Variants in KPNA2 observed in about 807,000 individuals in gnomAD.
KPNA2 encodes importin subunit alpha-1.
In KPNA2, 20 loss-of-function variants were observed where a neutral mutation model predicts 53.7. The observed-to-expected ratio is 0.37, with a 90% CI of 0.26 to 0.54. The LOEUF (loss-of-function observed/expected upper bound fraction) is 0.54. KPNA2 is among the 20% of genes least tolerant of loss of function. The pLI, the probability that KPNA2 is intolerant of heterozygous loss-of-function variation, is 0.83. For synonymous variants in KPNA2, 238 were observed against 227.5 expected (o/e 1.05, Z -0.42); for missense variants, 515 against 640.3 (o/e 0.80, Z 2.11).
intron 5 of KPNA2, 131 bp downstream of exon 5, chr17:68,042,484 T>A: frequency 1.0e-6 from 1 of 991,010 alleles, no homozygotes; most frequent in Non-Finnish European, 1.5e-6. Context: ...GGAATGAAAG[T>A]GTCGTCTTTA....
chr17:68,044,021 C>T lies in KPNA2; in HGVS notation c.1114C>T (p.Gln372Ter). Residue 372 changes from glutamine to a stop codon, truncating the protein, a stop_gained, in exon 8 of 11, where the codon CAA becomes TAA. Transcript: ENST00000330459. LOFTEE classifies it high-confidence loss of function. ...AGCCGGCCGCCAGGACCAGATACAG[C>T]AAGTTGTGAATCATGGATTAGTCCC... ...ITAGRQDQIQ[Q>*]VVNHGLVPFL... The T allele has an allele frequency of 2.5e-6, 4 of 1,613,924 alleles. No individual in the cohort carries two copies. Among genetic ancestry groups the T allele is most frequent in the Non-Finnish European group, 3.4e-6 (4 of 1,179,828 alleles).
chr17:68,039,703 C>A (rs920764524), intron 3 of KPNA2, among the ~76,000 whole-genome samples: 2 of 151,336 alleles, frequency 1.3e-5, no homozygotes, highest in East Asian at 3.9e-4. Context: ...TCGCTTGAAC[C>A]CGGGAGGTGG....
Position 68,043,096 on chromosome 17 carries a change from C to G in KPNA2, c.667-4C>G. On this transcript the variant is annotated splice_region_variant and splice_polypyrimidine_tract_variant and intron_variant, in intron 6 of 10. Coordinates refer to ENST00000330459, the MANE Select transcript of KPNA2 (RefSeq NM_002266.4). ...CCTCTCATTGCCTATTTTTTTTCCC[C>G]CAGTGTGGCTACTTACGTAATCTTA... is the stretch of plus-strand genomic sequence containing the variant. The G allele has an allele frequency of 6.2e-7, 1 of 1,613,150 alleles. No individual in the cohort carries two copies. Among genetic ancestry groups the G allele is most frequent in the Non-Finnish European group, 8.5e-7 (1 of 1,179,678 alleles).
Position 68,043,158 on chromosome 17 carries a change from C to T in KPNA2, c.725C>T (p.Pro242Leu). 6.2e-7 allele frequency: 1 copy of T among 1,614,142 alleles called. No homozygotes were observed. Among genetic ancestry groups the T allele is most frequent in the Non-Finnish European group, 8.5e-7 (1 of 1,180,032 alleles). Residue 242 changes from proline to leucine, a missense_variant, in exon 7 of 11, where the codon CCT becomes CTT. By Grantham distance (98) the Pro-to-Leu change is moderately conservative. Transcript: ENST00000330459. The part of the protein sequence containing the change: ...TLSNLCRNKN[P>L]APPIDAVEQI... ...TCTAATCTTTGCCGCAACAAGAATCCTGCACCCCCGATAGATGCTGTTGAG... is the reference window on the plus strand; with the variant it reads ...TCTAATCTTTGCCGCAACAAGAATCTTGCACCCCCGATAGATGCTGTTGAG...
intron 1 of KPNA2, 171 bp downstream of exon 1, chr17:68,036,011 G>C (rs1452599155): frequency 6.6e-6 from 1 of 152,262 alleles, no homozygotes; most frequent in African/African-American, 2.4e-5. Context: ...TGAGTTTCGC[G>C]GGGTCTGCGG....
At chr17:68,041,481 C>G (rs1202011711) in intron 4 of KPNA2, among the ~76,000 whole-genome samples, 4 of 152,180 alleles carry the variant, frequency 2.6e-5, no homozygotes, top group Non-Finnish European at 5.9e-5. Flanking sequence ...ATCACTTGAA[C>G]CCAGCAGGCG....
At chr17:68,043,517 A>G (rs1168102964) in intron 7 of KPNA2, among the ~76,000 whole-genome samples, 154 bp downstream of exon 7, 1 of 152,128 alleles carries the variant, frequency 6.6e-6, no homozygotes, top group African/African-American at 2.4e-5. Context: ...CAGCCTGGCC[A>G]ACATTGTGAA....
At chr17:68,046,410 A>T in intron 10 of KPNA2, 94 bp from the exon 11 acceptor site, 1 of 714,408 alleles carries the variant, frequency 1.4e-6, no homozygotes, top group Non-Finnish European at 2.4e-6. Flanking sequence ...TGTAATATGC[A>T]GATCAAGACC....
intron 9 of KPNA2, 58 bp from the exon 10 acceptor site, chr17:68,045,711 TTTC>T (rs766502976): frequency 7.9e-7 from 1 of 1,260,058 alleles, no homozygotes; most frequent in Non-Finnish European, 1.1e-6. Context: ...TTATTGATGT[TTTC>T]TTCATTAAAA....
rs1555705052 is a variant in KPNA2 at position 68,043,990 on chromosome 17, C to T, written c.1083C>T (p.Asn361=). Residue 361 remains asparagine, a synonymous_variant, in exon 8 of 11, where the codon AAC becomes AAT. Coordinates refer to ENST00000330459, the MANE Select transcript of KPNA2 (RefSeq NM_002266.4). The stretch of plus-strand genomic sequence containing the variant: ...AGGAAGCTACGTGGACAATGTCAAA[C>T]ATCACAGCCGGCCGCCAGGACCAGA... The part of the protein sequence containing the change: ...IQKEATWTMS[N]ITAGRQDQIQ... 6.2e-7 allele frequency: 1 copy of T among 1,613,994 alleles called. No individual in the cohort carries two copies. Among genetic ancestry groups the T allele is most frequent in the South Asian group, 1.1e-5 (1 of 91,068 alleles).
intron 9 of KPNA2, among the ~76,000 whole-genome samples, chr17:68,044,797 T>G (rs1388634284): frequency 6.6e-6 from 1 of 152,184 alleles, no homozygotes; most frequent in Non-Finnish European, 1.5e-5. Flanking sequence ...TTGGTGACAT[T>G]AAATTTGAAT....
chr17:68,040,079 A>C (rs2071238684), intron 3 of KPNA2, among the ~76,000 whole-genome samples: 1 of 92,358 alleles, frequency 1.1e-5, no homozygotes, highest in Non-Finnish European at 2.5e-5. Flanking sequence ...ACTCCGTCTC[A>C]AAAAAAAAAA....
rs1599142478 is a variant in KPNA2, at chr17:68,043,219, T to C, written c.786T>C (p.His262=). 10 of 1,614,064 alleles carry C rather than the reference T, an allele frequency of 6.2e-6. No individual in the cohort carries two copies. Among genetic ancestry groups the C allele is most frequent in the African/African-American group, 1.3e-5 (1 of 74,920 alleles). ...ILPTLVRLLH[H]DDPEVLADTC... The stretch of plus-strand genomic sequence containing the variant: ...CTACCTTAGTTCGGCTCCTGCATCA[T>C]GATGATCCAGAAGTATTAGCAGATA... Residue 262 remains histidine, a synonymous_variant, in exon 7 of 11, where the codon CAT becomes CAC. Coordinates refer to ENST00000330459, the MANE Select transcript of KPNA2 (RefSeq NM_002266.4).
In KPNA2 at chr17:68,045,775, G is replaced by A; in HGVS notation, c.1351G>A (p.Ala451Thr). 6.5e-7 allele frequency: 1 copy of A among 1,543,942 alleles called. No homozygotes were observed. The highest frequency in any genetic ancestry group is 8.7e-7 in the Non-Finnish European group (1 of 1,150,392). The change falls in exon 10 of 11, where the codon GCT (alanine) becomes ACT (threonine). Residue 451 changes from alanine to threonine, a missense_variant. Coordinates refer to ENST00000330459, the MANE Select transcript of KPNA2 (RefSeq NM_002266.4). ...LDAISNIFQA[A>T]EKLGETEKLS... ...CTTGGATTTTTTTTTTTTTTAGGCTGCTGAGAAACTAGGTGAAACTGAGAA... is the reference window on the plus strand; with the variant it reads ...CTTGGATTTTTTTTTTTTTTAGGCTACTGAGAAACTAGGTGAAACTGAGAA...
intron 9 of KPNA2, among the ~76,000 whole-genome samples, chr17:68,045,306 CA>C (rs2071315685): frequency 6.6e-6 from 1 of 152,110 alleles, no homozygotes; most frequent in Admixed American, 6.5e-5. Flanking sequence ...CATACCATTC[CA>C]TATGTCCAGT....
At chr17:68,036,359 T>C (rs1448918023) in intron 1 of KPNA2, 2 of 152,244 alleles carry the variant, frequency 1.3e-5, no homozygotes, top group Admixed American at 1.3e-4. Context: ...ATTAAGCGCA[T>C]TCACTCCTAG....
At chr17:68,046,370 A>C in intron 10 of KPNA2, 134 bp from the exon 11 acceptor site, 1 of 565,542 alleles carries the variant, frequency 1.8e-6, no homozygotes, top group Non-Finnish European at 3.1e-6. Context: ...CCTCTATGTC[A>C]AATACTATAA....
At chr17:68,037,813 T>C (rs1363641562) in intron 3 of KPNA2, among the ~76,000 whole-genome samples, 308 of 150,844 alleles carry the variant, frequency 2.0e-3, no homozygotes, top group African/African-American at 6.4e-3. Context: ...TTTTTTTTTT[T>C]CCCCCGAGAT....
At position 68,043,333 on chromosome 17, in the gene KPNA2, G is replaced by C. The variant is rs946493126; in HGVS notation, c.900G>C (p.Lys300Asn). ...VKTGVVPQLV[K>N]LLGASELPIV... ...CAGGAGTTGTGCCCCAACTTGTGAAGCTTCTAGGAGCTTCTGAATTGCCAA... is the reference window on the plus strand; with the variant it reads ...CAGGAGTTGTGCCCCAACTTGTGAACCTTCTAGGAGCTTCTGAATTGCCAA... Residue 300 changes from lysine to asparagine, a missense_variant, in exon 7 of 11, where the codon AAG becomes AAC. Physicochemically the swap from Lys to Asn is moderately conservative, Grantham distance 94. Transcript: ENST00000330459. The C allele has an allele frequency of 1.2e-6, 2 of 1,614,030 alleles. No individual in the cohort carries two copies. Among genetic ancestry groups the C allele is most frequent in the Non-Finnish European group, 1.7e-6 (2 of 1,180,018 alleles).
Sources: gnomAD v4.1 joint callset for allele counts (sites outside exome capture counted in the v4.1 genomes callset) on GRCh38, gnomAD v4.1.1 for gene constraint, MANE v1.5 for transcripts, NCBI Gene and HGNC (gene_info 2026-07-23, HGNC 2026-07-21) for gene names.